Variants in IL23R observed in about 807,000 individuals in gnomAD.
The protein encoded by IL23R is interleukin 23 receptor.
In IL23R, 34 loss-of-function variants were observed where a neutral mutation model predicts 56.9. The observed-to-expected ratio is 0.60, with a 90% CI of 0.45 to 0.80. The LOEUF (loss-of-function observed/expected upper bound fraction) is 0.80. IL23R is among the 30% of genes least tolerant of loss of function. IL23R has a pLI of 0.00. For synonymous variants in IL23R, 230 were observed against 249.2 expected, an observed-to-expected ratio of 0.92 and a Z score of 0.73; for missense variants, 635 against 730.0, an observed-to-expected ratio of 0.87 and a Z score of 1.50.
chr1:67,150,248 C>CTTTTTTTTTTTTTTTTTT (rs552806817), intron 1 of IL23R, among the ~76,000 whole-genome samples: 4 of 110,264 alleles, frequency 3.6e-5, no homozygotes, highest in Non-Finnish European at 5.3e-5. Flanking sequence ...GCATTTCGAA[C>CTTTTTTTTTTTTTTTTTT]TTTTTTTTTT....
At chr1:67,214,981 T>A (rs910301924) in intron 6 of IL23R, among the ~76,000 whole-genome samples, 2 of 152,228 alleles carry the variant, frequency 1.3e-5, no homozygotes, top group Non-Finnish European at 2.9e-5. Flanking sequence ...CTCCCTGCCC[T>A]GTTTTGTTTC....
chr1:67,239,934 C>T (rs1651745033), intron 8 of IL23R, among the ~76,000 whole-genome samples: 1 of 152,172 alleles, frequency 6.6e-6, no homozygotes, highest in African/African-American at 2.4e-5. Context: ...CAGAGATGCA[C>T]TTCTAAAAAC....
chr1:67,202,721 G>A (rs962591401), intron 5 of IL23R, among the ~76,000 whole-genome samples: 1 of 152,162 alleles, frequency 6.6e-6, no homozygotes, highest in African/African-American at 2.4e-5. Context: ...ACAGGCCACA[G>A]GCCACAGTGC....
At chr1:67,162,620 A>T (rs926629005), upstream of IL23R, among the ~76,000 whole-genome samples, 1 of 152,240 alleles carries the variant, frequency 6.6e-6, no homozygotes, top group African/African-American at 2.4e-5. Flanking sequence ...CTGAAATAGA[A>T]ATATTTTAGT....
intron 6 of IL23R, among the ~76,000 whole-genome samples, chr1:67,218,102 C>T (rs1160535291): frequency 6.6e-6 from 1 of 151,890 alleles, no homozygotes; most frequent in Admixed American, 6.6e-5. Flanking sequence ...TTCTTTCTGC[C>T]AACTGAAACA....
intron 9 of IL23R, among the ~76,000 whole-genome samples, chr1:67,249,646 C>T (rs993160004): frequency 2.0e-5 from 3 of 151,988 alleles, no homozygotes; most frequent in African/African-American, 7.2e-5. Flanking sequence ...TTGACAATCC[C>T]ATGTAACTAA....
intron 3 of IL23R, among the ~76,000 whole-genome samples, chr1:67,172,008 T>C (rs1646950456): frequency 6.6e-6 from 1 of 152,192 alleles, no homozygotes; most frequent in South Asian, 2.1e-4. Flanking sequence ...CATCACTCTT[T>C]CCACTTATTT....
Position 67,144,802 on chromosome 1 carries a change from AC to A in IL23R, c.-634+5644del, listed in dbSNP as rs541757679. On this transcript the variant is annotated intron_variant, in intron 1 of 10. Transcript: ENST00000637002. ...CTATTCTCTTTCCCTACATAATCTC[AC>A]CCATATCCAAAATTTAAGTTATCAC... is the stretch of plus-strand genomic sequence containing the variant. Among the ~76,000 whole-genome samples the A allele has an allele frequency of 8.6e-5, 13 of 152,036 alleles. No individual in the cohort carries two copies. The South Asian group carries it at 2.5e-3, about 29-fold the overall frequency.
Position 67,182,978 on chromosome 1 carries a change from G to A in IL23R, c.491+19G>A. ...TGAAGAGGTAGGTCACTTCCTCACG[G>A]CTTCATATAAGCAGTTCCACCCCAG... On this transcript the variant is annotated intron_variant, in intron 4 of 10. Transcript: ENST00000347310. 1 of 1,613,416 alleles carries A rather than the reference G, an allele frequency of 6.2e-7. No individual in the cohort carries two copies. Among genetic ancestry groups the A allele is most frequent in the Non-Finnish European group, 8.5e-7 (1 of 1,179,552 alleles).
intron 2 of IL23R, among the ~76,000 whole-genome samples, chr1:67,168,926 G>A (rs995497048): frequency 1.3e-5 from 2 of 151,992 alleles, no homozygotes; most frequent in African/African-American, 4.8e-5. Context: ...TTGGGAGGCC[G>A]AGGCGGGTGG....
chr1:67,202,565 C>T (rs1166604377), intron 5 of IL23R, among the ~76,000 whole-genome samples: 2 of 152,140 alleles, frequency 1.3e-5, no homozygotes, highest in African/African-American at 4.8e-5. Context: ...ATTTAACCCT[C>T]ATATCAACCC....
chr1:67,152,767 T>C (rs1431065911), intron 1 of IL23R, among the ~76,000 whole-genome samples: 4 of 152,230 alleles, frequency 2.6e-5, no homozygotes, highest in Non-Finnish European at 1.5e-5. Flanking sequence ...TTTGTGTATA[T>C]TGAACCAGCC....
intron 5 of IL23R, among the ~76,000 whole-genome samples, chr1:67,202,132 A>G (rs192524484): frequency 2.0e-5 from 3 of 152,326 alleles, no homozygotes; most frequent in Non-Finnish European, 2.9e-5. Flanking sequence ...CCCAGTACCA[A>G]TGATTCCTGT....
At chr1:67,160,676 C>CT (rs1457639555) in intron 1 of IL23R, among the ~76,000 whole-genome samples, 1 of 152,060 alleles carries the variant, frequency 6.6e-6, no homozygotes, top group Non-Finnish European at 1.5e-5. Flanking sequence ...GAACTCTATT[C>CT]TTTTTTGTTC....
At chr1:67,264,800 C>T (rs553746149), downstream of IL23R, among the ~76,000 whole-genome samples, 6 of 152,296 alleles carry the variant, frequency 3.9e-5, no homozygotes, top group South Asian at 1.2e-3. Context: ...AAGATGCATT[C>T]CCATTATGAT....
At chr1:67,251,519 T>A (rs1166889674) in intron 9 of IL23R, among the ~76,000 whole-genome samples, 3 of 152,216 alleles carry the variant, frequency 2.0e-5, no homozygotes, top group African/African-American at 7.2e-5. Context: ...TATCCACTTT[T>A]AATTAAGCTG....
chr1:67,142,477 G>A (rs1412606945), intron 1 of IL23R, among the ~76,000 whole-genome samples: 2 of 152,150 alleles, frequency 1.3e-5, no homozygotes, highest in Non-Finnish European at 2.9e-5. Flanking sequence ...AAACACTTTT[G>A]TGTTATGCAG....
At chr1:67,218,358 G>GTATATATATA (rs1270428311) in intron 6 of IL23R, among the ~76,000 whole-genome samples, 1 of 137,858 alleles carries the variant, frequency 7.3e-6, no homozygotes, top group African/African-American at 2.8e-5. Flanking sequence ...GTGTGTGTGT[G>GTATATATATA]TATATATATA....
chr1:67,189,039 T>G (rs1647554715), intron 4 of IL23R, among the ~76,000 whole-genome samples: 1 of 152,012 alleles, frequency 6.6e-6, no homozygotes, highest in Non-Finnish European at 1.5e-5. Flanking sequence ...TATAGGATAT[T>G]ATAGATAATT....
Sources: gnomAD v4.1 joint callset for allele counts (sites outside exome capture counted in the v4.1 genomes callset) on GRCh38, gnomAD v4.1.1 for gene constraint, MANE v1.5 for transcripts, NCBI Gene and HGNC (gene_info 2026-07-23, HGNC 2026-07-21) for gene names.